Variants in DHX32 observed in about 807,000 individuals in gnomAD.
DHX32 encodes DEAH-box helicase 32 (putative), also known as putative pre-mRNA-splicing factor ATP-dependent RNA helicase DHX32.
A neutral mutation model predicts 70.0 loss-of-function variants in DHX32; 51 were observed. The ratio of observed to expected loss-of-function variants is 0.73; its 90% CI spans 0.58 to 0.92. The LOEUF (loss-of-function observed/expected upper bound fraction) is 0.92, where lower values mean the gene tolerates loss of function less well. Ranked by LOEUF, DHX32 falls within the 40% of genes least tolerant of loss-of-function variation. The pLI is 0.00. For missense variants in DHX32, 762 were observed against 891.8 expected (o/e 0.85, Z 1.85); for synonymous variants, 310 against 315.3 (o/e 0.98, Z 0.18).
Position 125,866,983 on chromosome 10 carries a change from A to G in DHX32, c.476+7T>C. ...AGCAGGGAGCGGACTGAACCCCACA[A>G]ACCAACCTCAGGATTGTTTCGTTGG... On this transcript the variant is annotated splice_region_variant and intron_variant, in intron 2 of 10. Coordinates refer to ENST00000284690, the MANE Select transcript of DHX32 (RefSeq NM_018180.3). This position sits in a 1 kb window ranked among gnomAD's most constrained non-coding sequence, Gnocchi z 4.8. The G allele has an allele frequency of 1.2e-6, 2 of 1,610,774 alleles. No individual in the cohort carries two copies. Among genetic ancestry groups the G allele is most frequent in the Non-Finnish European group, 1.7e-6 (2 of 1,177,844 alleles).
intron 1 of DHX32, among the ~76,000 whole-genome samples, chr10:125,893,696 T>A (rs1944385151): frequency 6.6e-6 from 1 of 152,198 alleles, no homozygotes; most frequent in Non-Finnish European, 1.5e-5. Context: ...CAGAACTCCC[T>A]AAGAGTTTCA....
intron 8 of DHX32, 141 bp downstream of exon 8, chr10:125,840,706 G>A (rs1854853077): frequency 4.7e-6 from 4 of 851,450 alleles, no homozygotes; most frequent in Non-Finnish European, 1.7e-6. Flanking sequence ...GCCTGTGGGT[G>A]CGTTTAGGGC....
At chr10:125,888,076 A>C (rs1427325390) in intron 1 of DHX32, among the ~76,000 whole-genome samples, 1 of 152,200 alleles carries the variant, frequency 6.6e-6, no homozygotes, top group Admixed American at 6.5e-5. Flanking sequence ...TCTGACTCAT[A>C]GTTTGTAAAC....
intron 1 of DHX32, among the ~76,000 whole-genome samples, chr10:125,886,837 T>A (rs1236547135): frequency 2.6e-5 from 4 of 152,276 alleles, no homozygotes; most frequent in Admixed American, 2.6e-4. Context: ...CTCTAGCAGA[T>A]CACTGATCTT....
chr10:125,888,356 C>T (rs2134080336), intron 1 of DHX32, among the ~76,000 whole-genome samples: 1 of 152,254 alleles, frequency 6.6e-6, no homozygotes, highest in South Asian at 2.1e-4. Context: ...GAACACACCA[C>T]CATGCCTGGC....
chr10:125,841,140 G>C, intron 7 of DHX32, 144 bp from the exon 8 acceptor site: 1 of 1,373,398 alleles, frequency 7.3e-7, no homozygotes, highest in South Asian at 1.4e-5. Flanking sequence ...TGTTTACTTA[G>C]AAATCCCAGA....
At chr10:125,882,445 C>T (rs1012116056), upstream of DHX32, among the ~76,000 whole-genome samples, 2 of 152,084 alleles carry the variant, frequency 1.3e-5, no homozygotes, top group East Asian at 3.9e-4. Flanking sequence ...CAGTCAATCA[C>T]TCAAAAAACA....
At chr10:125,876,252 CAAAG>C (rs145330159) in intron 1 of DHX32, among the ~76,000 whole-genome samples, 2,484 of 152,310 alleles carry the variant, frequency 0.016, 32 homozygotes, top group South Asian at 0.033. Context: ...TCCAAATTGA[CAAAG>C]AGGCTGATTG....
intron 2 of DHX32, 75 bp from the exon 3 acceptor site, chr10:125,860,050 C>T (rs1944176726): frequency 1.5e-6 from 2 of 1,319,552 alleles, no homozygotes; most frequent in African/African-American, 3.0e-5. Flanking sequence ...AAGAAAAATG[C>T]CTTTCCTATA....
chr10:125,841,350 A>T, intron 7 of DHX32: 2 of 1,614,116 alleles, frequency 1.2e-6, no homozygotes, highest in African/African-American at 1.3e-5. Flanking sequence ...TTCCCCCAGT[A>T]TTAGAATAAA....
chr10:125,841,236 C>T (rs778146466), intron 7 of DHX32: 3 of 1,609,560 alleles, frequency 1.9e-6, no homozygotes, highest in South Asian at 2.2e-5. Flanking sequence ...TGGTTAATAT[C>T]CTGCTTCTAT....
chr10:125,872,129 T>C (rs943071525), intron 1 of DHX32, among the ~76,000 whole-genome samples: 42 of 152,214 alleles, frequency 2.8e-4, no homozygotes, highest in African/African-American at 8.2e-4. Flanking sequence ...CCCAAAGTGC[T>C]GGGATTACAG....
At chr10:125,881,881 G>A (rs544603756), upstream of DHX32, among the ~76,000 whole-genome samples, 1 of 152,290 alleles carries the variant, frequency 6.6e-6, no homozygotes, top group Admixed American at 6.5e-5. Flanking sequence ...GGGCTCAAGT[G>A]GTCTGTCCTC....
intron 6 of DHX32, among the ~76,000 whole-genome samples, chr10:125,846,084 G>A (rs1374990632): frequency 6.6e-6 from 1 of 152,158 alleles, no homozygotes; most frequent in Non-Finnish European, 1.5e-5. Flanking sequence ...GAAGACTATC[G>A]GCCTTCTAGA....
At chr10:125,841,021 G>A in intron 7 of DHX32, 25 bp from the exon 8 acceptor site, 4 of 1,585,772 alleles carry the variant, frequency 2.5e-6, no homozygotes, top group Non-Finnish European at 3.4e-6. Context: ...AGGTCACATG[G>A]TTAGCAATAA....
At chr10:125,863,390 C>T (rs1025191355) in intron 2 of DHX32, among the ~76,000 whole-genome samples, 4 of 150,898 alleles carry the variant, frequency 2.7e-5, no homozygotes, top group Non-Finnish European at 4.4e-5. Context: ...TAAGGGGCTA[C>T]CAAAAAAATG....
At chr10:125,873,654 G>A (rs977929823) in intron 1 of DHX32, among the ~76,000 whole-genome samples, 4 of 152,138 alleles carry the variant, frequency 2.6e-5, no homozygotes, top group Non-Finnish European at 5.9e-5. Context: ...AGTCTTAATG[G>A]TTTCAACAAC....
chr10:125,857,712 T>C (rs1944157552), intron 3 of DHX32, among the ~76,000 whole-genome samples: 1 of 152,182 alleles, frequency 6.6e-6, no homozygotes, highest in Non-Finnish European at 1.5e-5. Flanking sequence ...ATAAGAATCA[T>C]GTACTCTAAG....
chr10:125,865,624 G>C (rs1289226129), intron 2 of DHX32, among the ~76,000 whole-genome samples: 1 of 152,076 alleles, frequency 6.6e-6, no homozygotes. Flanking sequence ...CGATTTCCTG[G>C]ACTCAAGTGA....
Sources: allele counts gnomAD v4.1 joint callset (sites outside exome capture counted in the v4.1 genomes callset), GRCh38; gene constraint gnomAD v4.1.1; non-coding constraint Gnocchi (gnomAD v3.1); transcripts MANE v1.5; gene names NCBI Gene and HGNC (gene_info 2026-07-23, HGNC 2026-07-21).